The following CEND1 variants were observed in gnomAD, a reference collection of about 807,000 sequenced individuals.
CEND1 encodes cell cycle exit and neuronal differentiation protein 1.
CEND1 carries 1 observed loss-of-function variant against 4.4 expected under a neutral mutation model. That is an observed-to-expected ratio of 0.23 (90% CI 0.08 to 1.09). The LOEUF (loss-of-function observed/expected upper bound fraction) is 1.09, where lower values mean the gene tolerates loss of function less well. CEND1 is among the 50% of genes least tolerant of loss of function. The probability of loss-of-function intolerance (pLI) is 0.55; values close to 1 mark genes in which losing one functional copy is unlikely to be tolerated. For synonymous variants in CEND1, 109 were observed against 93.0 expected, an observed-to-expected ratio of 1.17 and a Z score of -0.99; for missense variants, 213 against 201.2, an observed-to-expected ratio of 1.06 and a Z score of -0.35.
In CEND1 at chr11:788,276, C is replaced by T; in HGVS notation, c.301G>A (p.Ala101Thr). Residue 101 changes from alanine to threonine, a missense_variant, in exon 2 of 2, where the codon GCG becomes ACG. By Grantham distance (58) the Ala-to-Thr change is moderately conservative. Transcript: ENST00000330106. Reference sequence around the variant, plus strand: ...CCACTGGCAGCCTCATCTTCCTCCGCCCCGTCCCCAGGACCCTTGGGCTCC... The same window carrying T: ...CCACTGGCAGCCTCATCTTCCTCCGTCCCGTCCCCAGGACCCTTGGGCTCC... ...TPEPKGPGDG[A>T]EEDEAASGGP... 6.2e-7 allele frequency: 1 copy of T among 1,612,978 alleles called. No homozygotes were observed. Among genetic ancestry groups the T allele is most frequent in the Non-Finnish European group, 8.5e-7 (1 of 1,179,532 alleles).
intron 1 of CEND1, among the ~76,000 whole-genome samples, chr11:789,207 G>C (rs1187908239): frequency 1.3e-5 from 2 of 152,104 alleles, no homozygotes; most frequent in African/African-American, 4.8e-5. Context: ...GGGTGGGTGG[G>C]CCCACAAGAA....
intron 1 of CEND1, among the ~76,000 whole-genome samples, chr11:789,033 G>T (rs1405964008): frequency 2.6e-5 from 4 of 152,228 alleles, no homozygotes; most frequent in African/African-American, 9.6e-5. Flanking sequence ...CCCCTCCAAG[G>T]AGGTGATCGG....
chr11:788,296 G>A lies in CEND1; in HGVS notation c.281C>T (p.Pro94Leu). The change falls in exon 2 of 2, where the codon CCC becomes CTC. Residue 94 changes from proline (P) to leucine (L), a missense_variant. Pro to Leu is a moderately conservative substitution (Grantham distance 98). Transcript: ENST00000330106. Reference protein sequence around the residue: ...VPSSPDATPEPKGPGDGAEED... With the variant: ...VPSSPDATPELKGPGDGAEED... ...CTCCGCCCCGTCCCCAGGACCCTTG[G>A]GCTCCGGGGTTGCATCGGGACTGCT... The A allele has an allele frequency of 1.9e-6, 3 of 1,612,760 alleles. No individual in the cohort carries two copies. The highest frequency in any genetic ancestry group is 1.7e-6 in the Non-Finnish European group (2 of 1,179,322).
intron 1 of CEND1, among the ~76,000 whole-genome samples, chr11:789,794 G>C (rs1489968172): frequency 6.6e-6 from 1 of 152,144 alleles, no homozygotes; most frequent in African/African-American, 2.4e-5. Context: ...TTCTCGGGGG[G>C]CTCAGCTGCT....
rs1465147492 is a variant in CEND1 at position 788,489 on chromosome 11, C to A, written c.88G>T (p.Ala30Ser). 2 of 1,540,972 alleles carry A rather than the reference C, an allele frequency of 1.3e-6. No individual in the cohort carries two copies. The highest frequency in any genetic ancestry group is 1.7e-6 in the Non-Finnish European group (2 of 1,143,462). ...TTGGTCAAGGGGGCTTTCCCATCGG[C>A]TGCCGGGGGTACCTTGGCCTCGGTG... ...VTTEAKVPPA[A>S]DGKAPLTKPS... Residue 30 changes from alanine (A) to serine (S), a missense_variant, in exon 2 of 2, where the codon GCC becomes TCC. By Grantham distance (99) the Ala-to-Ser change is moderately conservative. Transcript: ENST00000330106.
In CEND1 at chr11:788,531, T is replaced by C. The variant is rs568211733; in HGVS notation, c.46A>G (p.Lys16Glu). ...KSASSPKPDTKVPQVTTEAKV... is the reference protein window; with the variant it reads ...KSASSPKPDTEVPQVTTEAKV... ...GCCTCGGTGGTGACCTGGGGCACCT[T>C]GGTGTCGGGCTTGGGGCTGCTGGCT... is the stretch of plus-strand genomic sequence containing the variant. The change falls in exon 2 of 2, where the codon AAG (lysine) becomes GAG (glutamate). Residue 16 changes from lysine (K) to glutamate (E), a missense_variant. Coordinates refer to ENST00000330106, the MANE Select transcript of CEND1 (RefSeq NM_016564.4). 14 of 1,524,108 alleles carry C rather than the reference T, an allele frequency of 9.2e-6. No homozygotes were observed. In the East Asian group the frequency reaches 3.2e-4, roughly 35 times the overall value. 94.4% of individuals were successfully genotyped at this position (1,524,108 alleles called of 1,614,324 possible).
chr11:788,604 G>C lies in CEND1; in HGVS notation c.-28C>G, dbSNP rs766775248. Reference sequence around the variant, plus strand: ...TGGGCGGGGCGTATGGGACAGGCAGGTGGCTGCACCAGAGGGGCTCAGGAC... The same window carrying C: ...TGGGCGGGGCGTATGGGACAGGCAGCTGGCTGCACCAGAGGGGCTCAGGAC... On this transcript the variant is annotated 5_prime_UTR_variant, in exon 2 of 2. Coordinates refer to ENST00000330106, the MANE Select transcript of CEND1 (RefSeq NM_016564.4). 2 of 1,496,134 alleles carry C rather than the reference G, an allele frequency of 1.3e-6. No individual in the cohort carries two copies. The highest frequency in any genetic ancestry group is 2.3e-5 in the Admixed American group (1 of 43,926). 92.7% of individuals were successfully genotyped at this position (1,496,134 alleles called of 1,614,324 possible).
Position 787,976 on chromosome 11 carries a change from GT to G in CEND1, c.*150del. On this transcript the variant is annotated 3_prime_UTR_variant, in exon 2 of 2. Transcript: ENST00000330106. ...TGGGTCAGCAGGGGTGGGCTCGGGC[GT>G]CCTCTTCACCGTGCGCGTGTGTTGG... The G allele has an allele frequency of 1.8e-6, 1 of 559,080 alleles. No individual in the cohort carries two copies. Among genetic ancestry groups the G allele is most frequent in the Non-Finnish European group, 2.8e-6 (1 of 356,326 alleles). 34.6% of individuals were successfully genotyped at this position (559,080 alleles called of 1,614,324 possible).
In CEND1 at chr11:788,503, T is replaced by C; in HGVS notation, c.74A>G (p.Lys25Arg). ...TTTCCCATCGGCTGCCGGGGGTACC[T>C]TGGCCTCGGTGGTGACCTGGGGCAC... ...TKVPQVTTEA[K>R]VPPAADGKAP... is the part of the protein sequence containing the mutation. The change falls in exon 2 of 2, where the codon AAG becomes AGG. Residue 25 changes from lysine (K) to arginine (R), a missense_variant. Coordinates refer to ENST00000330106, the MANE Select transcript of CEND1 (RefSeq NM_016564.4). 6.5e-7 allele frequency: 1 copy of C among 1,532,926 alleles called. No homozygotes were observed. The highest frequency in any genetic ancestry group is 8.8e-7 in the Non-Finnish European group (1 of 1,139,726). The allele number at this position is 1,532,926 out of a possible 1,614,324, so 95.0% of individuals were successfully genotyped here.
intron 1 of CEND1, 32 bp from the exon 2 acceptor site, chr11:788,690 G>C (rs1038454106): frequency 1.9e-6 from 2 of 1,052,742 alleles, no homozygotes; most frequent in African/African-American, 3.2e-5. Flanking sequence ...GCTGCGCGCG[G>C]GTCCAGTCCC....
chr11:788,689 G>C (rs115280692), intron 1 of CEND1, 31 bp from the exon 2 acceptor site: 2 of 1,066,096 alleles, frequency 1.9e-6, no homozygotes, highest in Admixed American at 2.7e-5. Flanking sequence ...GGCTGCGCGC[G>C]GGTCCAGTCC....
chr11:787,990 G>GC lies in CEND1; in HGVS notation c.*136dup, dbSNP rs1221508988. On this transcript the variant is annotated 3_prime_UTR_variant, in exon 2 of 2. Transcript: ENST00000330106. Reference sequence around the variant, plus strand: ...TGGGCTCGGGCGTCCTCTTCACCGTGCGCGTGTGTTGGGGGCGTATGTAGG... The same window carrying GC: ...TGGGCTCGGGCGTCCTCTTCACCGTGCCGCGTGTGTTGGGGGCGTATGTAGG... 32 of 647,656 alleles carry GC rather than the reference G, an allele frequency of 4.9e-5. No individual in the cohort carries two copies. The highest frequency in any genetic ancestry group is 7.0e-5 in the Non-Finnish European group (30 of 425,656). The allele number at this position is 647,656 out of a possible 1,614,324, so 40.1% of individuals were successfully genotyped here.
At position 788,591 on chromosome 11, in the gene CEND1, A is replaced by C; in HGVS notation, c.-15T>G. 1.3e-6 allele frequency: 2 copies of C among 1,504,534 alleles called. No homozygotes were observed. The highest frequency in any genetic ancestry group is 2.8e-5 in the African/African-American group (2 of 71,562). 93.2% of individuals were successfully genotyped at this position (1,504,534 alleles called of 1,614,324 possible). On this transcript the variant is annotated 5_prime_UTR_variant, in exon 2 of 2. Coordinates refer to ENST00000330106, the MANE Select transcript of CEND1 (RefSeq NM_016564.4). ...CTGGACTCCATGGTGGGCGGGGCGT[A>C]TGGGACAGGCAGGTGGCTGCACCAG...
rs1864364196 is a variant in CEND1, at chr11:787,215, C to T, written c.*912G>A. The T allele has an allele frequency of 6.6e-6, 1 of 152,602 alleles. No individual in the cohort carries two copies. Among genetic ancestry groups the T allele is most frequent in the Non-Finnish European group, 1.5e-5 (1 of 68,150 alleles). The allele number at this position is 152,602 out of a possible 1,614,324, so 9.5% of individuals were successfully genotyped here. A position where few individuals can be genotyped will look rare whatever the true frequency, so the allele number is the denominator to read the frequency against. On this transcript the variant is annotated 3_prime_UTR_variant, in exon 2 of 2. Coordinates refer to ENST00000330106, the MANE Select transcript of CEND1 (RefSeq NM_016564.4). ...CAGGCCACGTTCTCACAGTGCCCAC[C>T]ACCACCTTCTGGGAGTTCGCCTGCT...
At position 788,516 on chromosome 11, in the gene CEND1, T is replaced by C. The variant is rs780676675; in HGVS notation, c.61A>G (p.Thr21Ala). 2.3e-5 allele frequency: 35 copies of C among 1,526,882 alleles called. 1 individual carries two copies. The South Asian group carries it at 4.2e-4, about 18-fold the overall frequency. 94.6% of individuals were successfully genotyped at this position (1,526,882 alleles called of 1,614,324 possible). ...GCCGGGGGTACCTTGGCCTCGGTGG[T>C]GACCTGGGGCACCTTGGTGTCGGGC... ...PKPDTKVPQV[T>A]TEAKVPPAAD... Residue 21 changes from threonine to alanine, a missense_variant, in exon 2 of 2, where the codon ACC becomes GCC. Coordinates refer to ENST00000330106, the MANE Select transcript of CEND1 (RefSeq NM_016564.4).
At position 788,497 on chromosome 11, in the gene CEND1, G is replaced by A. The variant is rs1189197744; in HGVS notation, c.80C>T (p.Pro27Leu). ...GGGGGCTTTCCCATCGGCTGCCGGG[G>A]GTACCTTGGCCTCGGTGGTGACCTG... ...VPQVTTEAKV[P>L]PAADGKAPLT... is the part of the protein sequence containing the mutation. The change falls in exon 2 of 2, where the codon CCC becomes CTC. Residue 27 changes from proline (P) to leucine (L), a missense_variant. Physicochemically the swap from Pro to Leu is moderately conservative, Grantham distance 98 (BLOSUM62 -3). Coordinates refer to ENST00000330106, the MANE Select transcript of CEND1 (RefSeq NM_016564.4). 1.1e-5 allele frequency: 17 copies of A among 1,538,246 alleles called. No individual in the cohort carries two copies. Among genetic ancestry groups the A allele is most frequent in the Non-Finnish European group, 1.4e-5 (16 of 1,142,246 alleles).
At position 788,007 on chromosome 11, in the gene CEND1, G is replaced by C; in HGVS notation, c.*120C>G. ...TTCACCGTGCGCGTGTGTTGGGGGC[G>C]TATGTAGGTGTGTAATGAATGTGCG... is the stretch of plus-strand genomic sequence containing the variant. On this transcript the variant is annotated 3_prime_UTR_variant, in exon 2 of 2. Coordinates refer to ENST00000330106, the MANE Select transcript of CEND1 (RefSeq NM_016564.4). 1 of 718,486 alleles carries C rather than the reference G, an allele frequency of 1.4e-6. No homozygotes were observed. Among genetic ancestry groups the C allele is most frequent in the Non-Finnish European group, 2.1e-6 (1 of 486,726 alleles). The allele number at this position is 718,486 out of a possible 1,614,324, so 44.5% of individuals were successfully genotyped here.
Position 788,375 on chromosome 11 carries a change from C to T in CEND1, c.202G>A (p.Asp68Asn), listed in dbSNP as rs1388329468. Residue 68 changes from aspartate (D) to asparagine (N), a missense_variant, in exon 2 of 2, where the codon GAC becomes AAC. Transcript: ENST00000330106. ...CTGTGGTTGTTGAGAAGGGCAGGGTCGGCCTTGGCCGAGGTCTTCTTGGCA... is the reference window on the plus strand; with the variant it reads ...CTGTGGTTGTTGAGAAGGGCAGGGTTGGCCTTGGCCGAGGTCTTCTTGGCA... Reference protein sequence around the residue: ...APAKKTSAKADPALLNNHSNL... With the variant: ...APAKKTSAKANPALLNNHSNL... 1.8e-5 allele frequency: 28 copies of T among 1,597,316 alleles called. No individual in the cohort carries two copies. The highest frequency in any genetic ancestry group is 8.6e-5 in the Admixed American group (5 of 58,372).
In CEND1 at chr11:788,382, G is replaced by A. The variant is rs755629034; in HGVS notation, c.195C>T (p.Ala65=). 5.1e-5 allele frequency: 81 copies of A among 1,596,972 alleles called. 1 individual carries two copies. The highest frequency in any genetic ancestry group is 2.4e-4 in the South Asian group (22 of 90,198). ...PTTAPAKKTS[A]KADPALLNNH... is the part of the protein sequence containing the mutation. ...TGTTGAGAAGGGCAGGGTCGGCCTT[G>A]GCCGAGGTCTTCTTGGCAGGTGCCG... Residue 65 remains alanine (A), a synonymous_variant, in exon 2 of 2, where the codon GCC becomes GCT. Coordinates refer to ENST00000330106, the MANE Select transcript of CEND1 (RefSeq NM_016564.4).
Sources: gnomAD v4.1 joint callset for allele counts (sites outside exome capture counted in the v4.1 genomes callset) on GRCh38, gnomAD v4.1.1 for gene constraint, MANE v1.5 for transcripts, NCBI Gene and HGNC (gene_info 2026-07-23, HGNC 2026-07-21) for gene names.